The following CALN1 variants were observed in gnomAD, a reference collection of about 807,000 sequenced individuals.
CALN1 encodes the protein calneuron 1, also known as calcium-binding protein 8.
CALN1 carries 17 observed loss-of-function variants against 30.6 expected under a neutral mutation model. The ratio of observed to expected loss-of-function variants is 0.56; its 90% CI spans 0.38 to 0.83. CALN1 has a LOEUF of 0.83. CALN1 is among the 40% of genes least tolerant of loss of function. CALN1 has a pLI of 0.00. For missense variants in CALN1, 291 were observed against 354.9 expected, an observed-to-expected ratio of 0.82 and a Z score of 1.45; for synonymous variants, 156 against 131.4, an observed-to-expected ratio of 1.19 and a Z score of -1.28.
rs753082624 is a variant in CALN1, at chr7:72,278,674, T to C, written c.244+12A>G. 6.2e-6 allele frequency: 10 copies of C among 1,610,714 alleles called. No individual in the cohort carries two copies. The South Asian group carries it at 1.1e-4, about 18-fold the overall frequency. On this transcript the variant is annotated intron_variant, in intron 3 of 6. Transcript: ENST00000395275. ...AGGGGGGCCATCCCCCCAAACAGGG[T>C]AGGCTCCTTACCATCGAGCTCCTCC...
intron 5 of CALN1, among the ~76,000 whole-genome samples, chr7:71,950,455 T>C (rs541417082): frequency 2.6e-5 from 4 of 152,292 alleles, no homozygotes; most frequent in South Asian, 4.1e-4. Context: ...TTTGATTCTG[T>C]GTCTTCCTTC....
intron 3 of CALN1, among the ~76,000 whole-genome samples, chr7:72,160,783 G>A (rs1473064563): frequency 1.3e-5 from 2 of 152,160 alleles, no homozygotes; most frequent in African/African-American, 2.4e-5. Flanking sequence ...AGGACTGGGA[G>A]GGGCACGCCG....
chr7:72,266,881 T>A (rs543434360), intron 3 of CALN1, among the ~76,000 whole-genome samples: 1 of 152,140 alleles, frequency 6.6e-6, no homozygotes, highest in Non-Finnish European at 1.5e-5. Context: ...ACAAAAGATA[T>A]CTTTCTCAAG....
Position 71,783,280 on chromosome 7 carries a change from G to A in CALN1, c.*4495C>T, listed in dbSNP as rs950976479. 3.3e-5 allele frequency: 5 copies of A among 152,122 alleles called. No individual in the cohort carries two copies. Among genetic ancestry groups the A allele is most frequent in the African/African-American group, 1.2e-4 (5 of 41,438 alleles). The allele number at this position is 152,122 out of a possible 1,614,324, so 9.4% of individuals were successfully genotyped here. ...TGGTTATACAACCAGGATGTGTGACGTGCTGAAGTCTAAAAGTTTCATCTC... is the reference window on the plus strand; with the variant it reads ...TGGTTATACAACCAGGATGTGTGACATGCTGAAGTCTAAAAGTTTCATCTC... On this transcript the variant is annotated 3_prime_UTR_variant, in exon 7 of 7. Coordinates refer to ENST00000395275, the MANE Select transcript of CALN1 (RefSeq NM_031468.4).
chr7:72,277,831 TG>T lies in CALN1; in HGVS notation c.244+854del, dbSNP rs370144509. Among the ~76,000 whole-genome samples the T allele has an allele frequency of 1.1e-3, 165 of 152,262 alleles. 2 individuals are homozygous for T. The highest frequency in any genetic ancestry group is 3.7e-3 in the African/African-American group (153 of 41,536). On this transcript the variant is annotated intron_variant, in intron 3 of 6. Coordinates refer to ENST00000395275, the MANE Select transcript of CALN1 (RefSeq NM_031468.4). ...CTTAAAAGCAAATATGTGGGCCAAC[TG>T]GGGTAATTTTGACTTCTCTACTTGA...
chr7:72,431,012 C>T (rs1391095025), intron 1 of CALN1, among the ~76,000 whole-genome samples: 1 of 148,724 alleles, frequency 6.7e-6, no homozygotes, highest in Non-Finnish European at 1.5e-5. Flanking sequence ...TCACTGCAAC[C>T]TCCGCCTCCC....
At chr7:71,830,033 C>CTTTTTTTTT (rs67629864) in intron 5 of CALN1, among the ~76,000 whole-genome samples, 30 of 136,694 alleles carry the variant, frequency 2.2e-4, no homozygotes, top group African/African-American at 7.9e-4. Flanking sequence ...GAGTAAGTTC[C>CTTTTTTTTT]TTTTTTTTTT....
intron 2 of CALN1, among the ~76,000 whole-genome samples, chr7:72,335,249 C>A (rs1222794913): frequency 6.6e-6 from 1 of 152,212 alleles, no homozygotes; most frequent in East Asian, 1.9e-4. Context: ...CCTGTTCTAG[C>A]CTCAAGACAA....
intron 2 of CALN1, among the ~76,000 whole-genome samples, chr7:72,357,376 G>C (rs1424827131): frequency 6.6e-6 from 1 of 151,946 alleles, no homozygotes; most frequent in African/African-American, 2.4e-5. Flanking sequence ...CGTGGGACCA[G>C]GTACTGCCAA....
intron 2 of CALN1, among the ~76,000 whole-genome samples, chr7:72,308,217 A>G (rs1799782694): frequency 6.6e-6 from 1 of 152,134 alleles, no homozygotes; most frequent in Non-Finnish European, 1.5e-5. Flanking sequence ...TACAAAAATT[A>G]GCCAGGCATG....
chr7:72,356,777 A>T (rs1803257653), intron 2 of CALN1, among the ~76,000 whole-genome samples: 1 of 152,058 alleles, frequency 6.6e-6, no homozygotes, highest in South Asian at 2.1e-4. Flanking sequence ...AAGAAAATCA[A>T]AATATATTAG....
At chr7:71,970,170 G>T (rs1329535457) in intron 5 of CALN1, among the ~76,000 whole-genome samples, 1 of 152,094 alleles carries the variant, frequency 6.6e-6, no homozygotes, top group Non-Finnish European at 1.5e-5. Flanking sequence ...TCCTAATGGG[G>T]CACAGAACAG....
chr7:72,133,870 T>A (rs916835680), intron 3 of CALN1, among the ~76,000 whole-genome samples: 2 of 152,216 alleles, frequency 1.3e-5, no homozygotes, highest in Admixed American at 1.3e-4. Context: ...AGGAATATGT[T>A]ACAAAATAAC....
upstream of CALN1, among the ~76,000 whole-genome samples, chr7:72,449,911 G>A (rs541333517): frequency 1.3e-4 from 19 of 141,988 alleles, no homozygotes; most frequent in East Asian, 2.8e-3. Context: ...AAGAATATTC[G>A]GTCAGCTATT....
intron 3 of CALN1, among the ~76,000 whole-genome samples, chr7:72,266,534 G>A (rs1227465622): frequency 6.6e-6 from 1 of 152,118 alleles, no homozygotes; most frequent in Non-Finnish European, 1.5e-5. Flanking sequence ...TTAAGGGGCT[G>A]TCATATTTTT....
intron 5 of CALN1, among the ~76,000 whole-genome samples, chr7:71,956,151 C>A (rs571097992): frequency 6.6e-6 from 1 of 152,058 alleles, no homozygotes; most frequent in Non-Finnish European, 1.5e-5. Context: ...CCATGTCCAG[C>A]TAATTTTTGT....
At chr7:72,458,216 ATATATTATATAATATATTC>A in the CALN1 span, among the ~76,000 whole-genome samples, 1 of 89,862 alleles carries the variant, frequency 1.1e-5, no homozygotes, top group Non-Finnish European at 2.2e-5. Flanking sequence ...ATATTTTATA[ATATATTATATAATATATTC>A]TATATTATAT....
At chr7:72,294,467 T>C (rs1798710255) in intron 2 of CALN1, among the ~76,000 whole-genome samples, 1 of 151,912 alleles carries the variant, frequency 6.6e-6, no homozygotes, top group South Asian at 2.1e-4. Flanking sequence ...AAAGAAAAAC[T>C]GCCTGGGCAC....
At chr7:71,963,282 CCTCCAGAG>C (rs1483835557) in intron 5 of CALN1, among the ~76,000 whole-genome samples, 3 of 152,180 alleles carry the variant, frequency 2.0e-5, no homozygotes, top group South Asian at 2.1e-4. Flanking sequence ...CCTGCCTCAG[CCTCCAGAG>C]TAGCTGGGAT....
Sources: gnomAD v4.1 joint callset for allele counts (sites outside exome capture counted in the v4.1 genomes callset) on GRCh38, gnomAD v4.1.1 for gene constraint, MANE v1.5 for transcripts, NCBI Gene and HGNC (gene_info 2026-07-23, HGNC 2026-07-21) for gene names.